AKAP7: variants seen among roughly 807,000 people sequenced by gnomAD.
AKAP7 encodes the protein A kinase (PRKA) anchor protein 7.
AKAP7 carries 39 observed loss-of-function variants against 39.5 expected under a neutral mutation model. The observed-to-expected ratio is 0.99, with a 90% confidence interval of 0.76 to 1.29. The LOEUF (loss-of-function observed/expected upper bound fraction) is 1.29, where lower values mean the gene tolerates loss of function less well. AKAP7 is among the 50% of genes most tolerant of loss of function. The pLI is 0.00. For missense variants in AKAP7, 414 were observed against 407.7 expected, an observed-to-expected ratio of 1.02 and a Z score of -0.13; for synonymous variants, 140 against 139.1, an observed-to-expected ratio of 1.01 and a Z score of -0.05.
intron 6 of AKAP7, among the ~76,000 whole-genome samples, chr6:131,203,822 T>C (rs576545781): frequency 1.3e-5 from 2 of 152,352 alleles, no homozygotes; most frequent in South Asian, 4.1e-4. Context: ...ATAATTAGGT[T>C]GATTTCTGTT....
chr6:131,241,980 CAGAGTATAT>C, intron 7 of AKAP7: 1 of 869,608 alleles, frequency 1.1e-6, no homozygotes, highest in Non-Finnish European at 1.4e-6. Flanking sequence ...TAAAGAAACA[CAGAGTATAT>C]TTTATTTCCC....
intron 6 of AKAP7, among the ~76,000 whole-genome samples, chr6:131,216,112 G>A (rs1044951787): frequency 6.6e-6 from 1 of 152,142 alleles, no homozygotes; most frequent in African/African-American, 2.4e-5. Context: ...TTACAAAAAT[G>A]TTTCGACCTT....
chr6:131,139,211 A>T (rs1800821882), intron 1 of AKAP7, among the ~76,000 whole-genome samples: 1 of 152,226 alleles, frequency 6.6e-6, no homozygotes, highest in South Asian at 2.1e-4. Context: ...TTTGAGAAAC[A>T]TTGTTCTATA....
chr6:131,143,063 T>C (rs900629761), intron 1 of AKAP7, among the ~76,000 whole-genome samples: 1 of 152,232 alleles, frequency 6.6e-6, no homozygotes, highest in African/African-American at 2.4e-5. Context: ...CTGAATAACT[T>C]CTTTTTGATT....
chr6:131,206,280 A>G (rs571584288), intron 6 of AKAP7, among the ~76,000 whole-genome samples: 1 of 152,356 alleles, frequency 6.6e-6, no homozygotes, highest in Admixed American at 6.5e-5. Context: ...TGACAAAGAC[A>G]TGTTTTATGA....
At chr6:131,161,432 C>T (rs1169081574) in intron 3 of AKAP7, among the ~76,000 whole-genome samples, 1 of 151,434 alleles carries the variant, frequency 6.6e-6, no homozygotes, top group Non-Finnish European at 1.5e-5. Context: ...ATCCCTCGAG[C>T]CCAGGAGTTT....
At chr6:131,257,881 T>A (rs1812994975) in intron 7 of AKAP7, among the ~76,000 whole-genome samples, 1 of 152,222 alleles carries the variant, frequency 6.6e-6, no homozygotes, top group Admixed American at 6.5e-5. Flanking sequence ...TGTTTACACT[T>A]GCTTGATTTA....
At chr6:131,175,144 G>A (rs531962165) in intron 5 of AKAP7, among the ~76,000 whole-genome samples, 1 of 152,312 alleles carries the variant, frequency 6.6e-6, no homozygotes, top group South Asian at 2.1e-4. Flanking sequence ...TGTTGATTAA[G>A]TGGAAGTGGA....
intron 7 of AKAP7, among the ~76,000 whole-genome samples, chr6:131,257,212 A>G (rs1056178778): frequency 5.9e-5 from 9 of 152,060 alleles, no homozygotes; most frequent in African/African-American, 1.9e-4. Context: ...TGTTAATTGC[A>G]TAGCCGCAGT....
intron 7 of AKAP7, among the ~76,000 whole-genome samples, chr6:131,271,409 T>C (rs1412411765): frequency 3.3e-5 from 5 of 152,170 alleles, no homozygotes; most frequent in Non-Finnish European, 7.3e-5. Flanking sequence ...TTATTATCTA[T>C]ATGTCTATAC....
intron 5 of AKAP7, among the ~76,000 whole-genome samples, chr6:131,190,206 G>A (rs972487048): frequency 1.3e-5 from 2 of 152,098 alleles, no homozygotes; most frequent in African/African-American, 2.4e-5. Context: ...TATTGAAAAA[G>A]CACATTAATA....
chr6:131,268,734 A>G (rs1413987960), intron 7 of AKAP7, among the ~76,000 whole-genome samples: 1 of 152,232 alleles, frequency 6.6e-6, no homozygotes, highest in Non-Finnish European at 1.5e-5. Flanking sequence ...CAGCCTATAA[A>G]GAAAAGTCTG....
intron 7 of AKAP7, among the ~76,000 whole-genome samples, chr6:131,257,253 C>A (rs1218158210): frequency 6.7e-6 from 1 of 149,142 alleles, no homozygotes; most frequent in Non-Finnish European, 1.5e-5. Flanking sequence ...GGCAACATGG[C>A]AAAAATTAAC....
intron 6 of AKAP7, among the ~76,000 whole-genome samples, chr6:131,210,728 T>A (rs1000851536): frequency 3.3e-5 from 5 of 152,236 alleles, no homozygotes; most frequent in Non-Finnish European, 5.9e-5. Context: ...TCTCCAGCAC[T>A]ACTGTGGGAT....
At chr6:131,148,020 A>G (rs1801614021) in intron 2 of AKAP7, among the ~76,000 whole-genome samples, 2 of 152,250 alleles carry the variant, frequency 1.3e-5, no homozygotes, top group Admixed American at 1.3e-4. Context: ...GGGACCAGAA[A>G]GAAGGAAGGG....
At chr6:131,236,623 C>T (rs1006512600) in intron 7 of AKAP7, among the ~76,000 whole-genome samples, 1 of 152,128 alleles carries the variant, frequency 6.6e-6, no homozygotes, top group African/African-American at 2.4e-5. Flanking sequence ...TCCTTCATGT[C>T]CCTTGTAAGT....
rs189932070 is a variant in AKAP7, at chr6:131,195,469, A to G, written c.590-3992A>G. Among the ~76,000 whole-genome samples the G allele has an allele frequency of 8.9e-4, 135 of 152,200 alleles. 2 individuals carry two copies. The highest frequency in any genetic ancestry group is 3.2e-3 in the African/African-American group (134 of 41,538). ...TTCCTAAGATAGGACTAATCTATAC[A>G]CCACCGTTACAGTGTTACAATAGTA... On this transcript the variant is annotated intron_variant, in intron 5 of 7. Coordinates refer to ENST00000431975, the MANE Select transcript of AKAP7 (RefSeq NM_016377.4).
At chr6:131,268,820 G>A (rs984132383) in intron 7 of AKAP7, among the ~76,000 whole-genome samples, 3 of 152,044 alleles carry the variant, frequency 2.0e-5, no homozygotes, top group Admixed American at 1.3e-4. Context: ...TTTAGGTAAT[G>A]CTCTCTTAAA....
intron 6 of AKAP7, chr6:131,199,882 C>T (rs554619263): frequency 2.2e-5 from 7 of 322,128 alleles, no homozygotes; most frequent in African/African-American, 1.3e-4. Context: ...TTCACTTTTG[C>T]TGCTATTCTT....
Sources: gnomAD v4.1 joint callset for allele counts (sites outside exome capture counted in the v4.1 genomes callset) on GRCh38, gnomAD v4.1.1 for gene constraint, MANE v1.5 for transcripts, NCBI Gene and HGNC (gene_info 2026-07-23, HGNC 2026-07-21) for gene names.